The following LINGO2 variants were observed in gnomAD, a reference collection of about 807,000 sequenced individuals.
The protein encoded by LINGO2 is leucine rich repeat and Ig domain containing 2.
In LINGO2, 14 loss-of-function variants were observed where a neutral mutation model predicts 30.6. The observed-to-expected ratio is 0.46, with a 90% CI of 0.30 to 0.72. The LOEUF (loss-of-function observed/expected upper bound fraction) is 0.72, where lower values mean the gene tolerates loss of function less well. Ranked by LOEUF, LINGO2 falls within the 30% of genes least tolerant of loss-of-function variation. LINGO2 has a pLI of 0.07. For synonymous variants in LINGO2, 317 were observed against 288.5 expected (o/e 1.10, Z -1.00); for missense variants, 729 against 751.7 (o/e 0.97, Z 0.35).
intron 4 of LINGO2, among the ~76,000 whole-genome samples, chr9:28,022,681 G>T (rs1178786245): frequency 6.6e-6 from 1 of 150,588 alleles, no homozygotes; most frequent in African/African-American, 2.4e-5. Flanking sequence ...CCTTCATTTT[G>T]ATATTTATCC....
At chr9:28,877,180 A>G in the LINGO2 span, among the ~76,000 whole-genome samples, 6 of 150,394 alleles carry the variant, frequency 4.0e-5, no homozygotes, top group East Asian at 1.2e-3. Flanking sequence ...GGTTGCAAAA[A>G]TTTTCTCCCA....
intron 4 of LINGO2, among the ~76,000 whole-genome samples, chr9:28,017,301 C>G (rs1563915801): frequency 6.6e-6 from 1 of 152,252 alleles, no homozygotes; most frequent in East Asian, 1.9e-4. Context: ...TGCCCTTTCA[C>G]TACTCCTATG....
chr9:28,820,215 C>CA, the LINGO2 span, among the ~76,000 whole-genome samples: 1 of 147,834 alleles, frequency 6.8e-6, no homozygotes, highest in East Asian at 2.0e-4. Context: ...TGAGAGTTTC[C>CA]TAAGGAAAGG....
chr9:28,570,091 C>A (rs1823605614), intron 1 of LINGO2, among the ~76,000 whole-genome samples: 1 of 151,728 alleles, frequency 6.6e-6, no homozygotes, highest in South Asian at 2.1e-4. Context: ...TCAGAGAAAA[C>A]AAATATTTTT....
intron 1 of LINGO2, among the ~76,000 whole-genome samples, chr9:28,636,497 C>T (rs949029034): frequency 6.6e-6 from 1 of 152,140 alleles, no homozygotes; most frequent in Admixed American, 6.6e-5. Flanking sequence ...TGTTGCCTGA[C>T]TTTTTAATGA....
chr9:28,501,427 T>C (rs916800853), intron 1 of LINGO2, among the ~76,000 whole-genome samples: 39 of 152,130 alleles, frequency 2.6e-4, no homozygotes, highest in African/African-American at 9.4e-4. Flanking sequence ...ACACAAATAA[T>C]TGAATGAAGC....
At chr9:28,359,528 A>G (rs1379807104) in intron 3 of LINGO2, among the ~76,000 whole-genome samples, 4 of 152,218 alleles carry the variant, frequency 2.6e-5, no homozygotes, top group Non-Finnish European at 2.9e-5. Flanking sequence ...TTATAACTGT[A>G]CAATCCAAAA....
At chr9:28,636,623 C>A (rs1180236378) in intron 1 of LINGO2, among the ~76,000 whole-genome samples, 2 of 152,134 alleles carry the variant, frequency 1.3e-5, no homozygotes, top group Non-Finnish European at 2.9e-5. Flanking sequence ...TAAATGTCTT[C>A]TTTTGAGAAG....
intron 4 of LINGO2, among the ~76,000 whole-genome samples, chr9:28,231,258 G>C (rs935151540): frequency 6.6e-6 from 1 of 151,938 alleles, no homozygotes; most frequent in Non-Finnish European, 1.5e-5. Context: ...CATGTTGAAA[G>C]AGTTCATAAT....
At chr9:29,203,665 C>T in the LINGO2 span, among the ~76,000 whole-genome samples, 1 of 152,142 alleles carries the variant, frequency 6.6e-6, no homozygotes, top group African/African-American at 2.4e-5. Context: ...CAGATTACAA[C>T]GTTGTAACTG....
the LINGO2 span, among the ~76,000 whole-genome samples, chr9:28,731,941 TAGAG>T: frequency 6.6e-6 from 1 of 152,098 alleles, no homozygotes; most frequent in Non-Finnish European, 1.5e-5. Context: ...TTCTAGAACT[TAGAG>T]AAAGATGTGG....
At chr9:28,876,874 A>C in the LINGO2 span, among the ~76,000 whole-genome samples, 3 of 152,058 alleles carry the variant, frequency 2.0e-5, no homozygotes, top group African/African-American at 7.2e-5. Flanking sequence ...CCAACAGTGT[A>C]AAAGTGTTCC....
At chr9:29,083,595 G>A in the LINGO2 span, among the ~76,000 whole-genome samples, 1 of 150,940 alleles carries the variant, frequency 6.6e-6, no homozygotes, top group African/African-American at 2.4e-5. Flanking sequence ...ATAAAAAAAA[G>A]AAGAATGCAC....
intron 2 of LINGO2, among the ~76,000 whole-genome samples, chr9:28,438,848 AT>A (rs1564199547): frequency 9.1e-4 from 133 of 146,306 alleles, no homozygotes; most frequent in Non-Finnish European, 1.5e-3. Flanking sequence ...ATATATATAT[AT>A]AATGAGATAT....
At chr9:28,915,908 C>G in the LINGO2 span, among the ~76,000 whole-genome samples, 50 of 152,094 alleles carry the variant, frequency 3.3e-4, no homozygotes, top group Non-Finnish European at 6.3e-4. Flanking sequence ...TCAAGATATC[C>G]TGTAAAATCT....
chr9:28,846,187 AT>A, the LINGO2 span, among the ~76,000 whole-genome samples: 2 of 151,838 alleles, frequency 1.3e-5, no homozygotes, highest in East Asian at 3.9e-4. Context: ...GCATTCTCAC[AT>A]TGGCTTAAGT....
chr9:28,140,091 T>TTAA (rs1827630845), intron 4 of LINGO2, among the ~76,000 whole-genome samples: 1 of 152,200 alleles, frequency 6.6e-6, no homozygotes. Flanking sequence ...TAATGTCCCA[T>TTAA]CTAAGCCAGG....
chr9:28,969,158 C>T, the LINGO2 span, among the ~76,000 whole-genome samples: 1 of 151,844 alleles, frequency 6.6e-6, no homozygotes, highest in South Asian at 2.1e-4. Flanking sequence ...ATTATTTATA[C>T]ATTAGAAGAA....
intron 1 of LINGO2, among the ~76,000 whole-genome samples, chr9:28,665,525 T>C (rs1057309211): frequency 1.3e-5 from 2 of 152,080 alleles, no homozygotes; most frequent in Admixed American, 1.3e-4. Flanking sequence ...TACCATGGTC[T>C]CCTTAATGGA....
Sources: gnomAD v4.1 joint callset for allele counts (sites outside exome capture counted in the v4.1 genomes callset) on GRCh38, gnomAD v4.1.1 for gene constraint, MANE v1.5 for transcripts, NCBI Gene and HGNC (gene_info 2026-07-23, HGNC 2026-07-21) for gene names.